Variants in MTUS1 observed in about 807,000 individuals in gnomAD.
The protein encoded by MTUS1 is microtubule-associated tumor suppressor 1.
Under a neutral mutation model 120.8 loss-of-function variants are expected in MTUS1, and 109 were observed. The ratio of observed to expected loss-of-function variants is 0.90; its 90% CI spans 0.77 to 1.06. The LOEUF is 1.06. MTUS1 is among the 50% of genes least tolerant of loss of function. MTUS1 has a pLI of 0.00. For missense variants in MTUS1, 2,210 were observed against 1,486.3 expected (o/e 1.49, Z -8.01); for synonymous variants, 737 against 550.5 (o/e 1.34, Z -4.74).
intron 8 of MTUS1, among the ~76,000 whole-genome samples, chr8:17,666,092 T>C (rs73573049): frequency 5.5e-3 from 13 of 2,352 alleles, no homozygotes; most frequent in South Asian, 0.01. Flanking sequence ...AACAGATGCT[T>C]TTTTTTTTTT....
intron 12 of MTUS1, among the ~76,000 whole-genome samples, chr8:17,652,704 T>C (rs775844496): frequency 6.6e-6 from 1 of 151,968 alleles, no homozygotes; most frequent in Non-Finnish European, 1.5e-5. Context: ...GCCATGGTGA[T>C]GCGTGCCTGT....
chr8:17,703,219 G>A (rs67796776), intron 6 of MTUS1, among the ~76,000 whole-genome samples: 1 of 151,938 alleles, frequency 6.6e-6, no homozygotes, highest in Non-Finnish European at 1.5e-5. Context: ...CGTGCGAGTA[G>A]GAGAGATATC....
chr8:17,645,689 C>G lies in MTUS1; in HGVS notation c.*237G>C, dbSNP rs1487556397. ...GTGCTTTGTGCAACAACGTCCGTGT[C>G]GATGCCGAAATCTTTTTTTAAATCT... On this transcript the variant is annotated 3_prime_UTR_variant, in exon 15 of 15. Coordinates refer to ENST00000693296, the MANE Select transcript of MTUS1 (RefSeq NM_001363059.2). 2.1e-6 allele frequency: 1 copy of G among 480,072 alleles called. No individual in the cohort carries two copies. Among genetic ancestry groups the G allele is most frequent in the East Asian group, 3.7e-5 (1 of 26,674 alleles). The allele number at this position is 480,072 out of a possible 1,614,324, so 29.7% of individuals were successfully genotyped here. A position where few individuals can be genotyped will look rare whatever the true frequency, so the allele number is the denominator to read the frequency against.
chr8:17,709,950 C>T (rs1362566443), intron 6 of MTUS1, among the ~76,000 whole-genome samples: 20 of 150,506 alleles, frequency 1.3e-4, no homozygotes, highest in Non-Finnish European at 1.9e-4. Flanking sequence ...GAGCTTGCAG[C>T]GAGCAGAGAT....
chr8:17,730,111 G>C (rs893706126), intron 3 of MTUS1, among the ~76,000 whole-genome samples: 7 of 152,142 alleles, frequency 4.6e-5, no homozygotes, highest in Non-Finnish European at 8.8e-5. Context: ...AAATGGTATG[G>C]TGGTTCCTCC....
At chr8:17,739,620 C>T (rs2047170069) in intron 3 of MTUS1, among the ~76,000 whole-genome samples, 1 of 152,224 alleles carries the variant, frequency 6.6e-6, no homozygotes, top group South Asian at 2.1e-4. Flanking sequence ...ACCTCTGCCA[C>T]TTTCCAGCTG....
chr8:17,755,972 T>C lies in MTUS1; in HGVS notation c.-154-11A>G. 1 of 1,408,308 alleles carries C rather than the reference T, an allele frequency of 7.1e-7. No homozygotes were observed. Among genetic ancestry groups the C allele is most frequent in the Non-Finnish European group, 9.2e-7 (1 of 1,085,820 alleles). The allele number at this position is 1,408,308 out of a possible 1,614,324, so 87.2% of individuals were successfully genotyped here. A position where few individuals can be genotyped will look rare whatever the true frequency, so the allele number is the denominator to read the frequency against. ...ATGATTTGTTGTTCCCTGGAAGAAA[T>C]AAAATGTTTAACTCAAGTAACTATA... On this transcript the variant is annotated splice_polypyrimidine_tract_variant and intron_variant, in intron 1 of 14. Transcript: ENST00000693296.
intron 6 of MTUS1, among the ~76,000 whole-genome samples, chr8:17,685,807 C>T (rs1213556753): frequency 1.3e-5 from 2 of 152,198 alleles, no homozygotes; most frequent in African/African-American, 4.8e-5. Flanking sequence ...CATTGTCCCA[C>T]TGTGTCTCTG....
intron 2 of MTUS1, among the ~76,000 whole-genome samples, chr8:17,752,474 C>G (rs2048274337): frequency 6.6e-6 from 1 of 152,180 alleles, no homozygotes; most frequent in East Asian, 1.9e-4. Flanking sequence ...AACGGATGAA[C>G]TCATTAGTTT....
At chr8:17,702,846 G>A (rs960868805) in intron 6 of MTUS1, among the ~76,000 whole-genome samples, 9 of 152,196 alleles carry the variant, frequency 5.9e-5, no homozygotes, top group Non-Finnish European at 1.2e-4. Context: ...CAGGGACCCC[G>A]AATGGAGGGA....
intron 1 of MTUS1, among the ~76,000 whole-genome samples, chr8:17,784,860 C>A: frequency 6.6e-6 from 1 of 151,908 alleles, no homozygotes; most frequent in East Asian, 1.9e-4. Context: ...TCTTGGCTCA[C>A]TGCAACCTCC....
At chr8:17,697,977 T>C (rs187723441) in intron 6 of MTUS1, among the ~76,000 whole-genome samples, 1 of 152,262 alleles carries the variant, frequency 6.6e-6, no homozygotes, top group African/African-American at 2.4e-5. Flanking sequence ...CCTGGTATTT[T>C]GGAAAAGTTT....
At chr8:17,688,647 C>T (rs1816334138) in intron 6 of MTUS1, among the ~76,000 whole-genome samples, 1 of 152,178 alleles carries the variant, frequency 6.6e-6, no homozygotes, top group Admixed American at 6.5e-5. Context: ...CAGTCAGTTT[C>T]CCCAGCATCT....
chr8:17,675,006 G>A, intron 8 of MTUS1, 180 bp downstream of exon 8: 1 of 1,410,106 alleles, frequency 7.1e-7, no homozygotes, highest in Non-Finnish European at 9.2e-7. Context: ...TCTGTGAACT[G>A]AAGGTCAAGC....
At chr8:17,744,459 C>T (rs569594999) in intron 2 of MTUS1, among the ~76,000 whole-genome samples, 5 of 151,976 alleles carry the variant, frequency 3.3e-5, no homozygotes, top group Admixed American at 2.0e-4. Flanking sequence ...TCTCCTCTAT[C>T]GCCCAGGCTG....
At chr8:17,711,453 C>CT (rs142596228) in intron 6 of MTUS1, among the ~76,000 whole-genome samples, 16,711 of 150,814 alleles carry the variant, frequency 0.11, 990 homozygotes, top group South Asian at 0.17. Context: ...TAGCTTCCAG[C>CT]TTTTTTTTTT....
At chr8:17,775,580 G>T (rs1283883025) in intron 1 of MTUS1, among the ~76,000 whole-genome samples, 4 of 152,212 alleles carry the variant, frequency 2.6e-5, no homozygotes. Context: ...CAAGTTCTTT[G>T]TTAAAATCTT....
At chr8:17,742,291 G>GTTTT (rs1237059839) in intron 3 of MTUS1, among the ~76,000 whole-genome samples, 23 of 94,676 alleles carry the variant, frequency 2.4e-4, no homozygotes, top group Middle Eastern at 6.1e-3. Context: ...TGTTGTTGTT[G>GTTTT]TTTTTTTTTT....
chr8:17,758,703 T>TA (rs1202019720), intron 1 of MTUS1, among the ~76,000 whole-genome samples: 1 of 152,178 alleles, frequency 6.6e-6, no homozygotes, highest in African/African-American at 2.4e-5. Flanking sequence ...CATAAGCAAA[T>TA]ATATGCAAAG....
Sources: allele counts gnomAD v4.1 joint callset (sites outside exome capture counted in the v4.1 genomes callset), GRCh38; gene constraint gnomAD v4.1.1; transcripts MANE v1.5; gene names NCBI Gene and HGNC (gene_info 2026-07-23, HGNC 2026-07-21).